Variants in KLHL18 observed in about 807,000 individuals in gnomAD.
KLHL18 encodes the protein kelch-like protein 18.
In KLHL18, 38 loss-of-function variants were observed where a neutral mutation model predicts 58.5. That is an observed-to-expected ratio of 0.65 (90% CI 0.50 to 0.85). The LOEUF is 0.85. KLHL18 is among the 40% of genes least tolerant of loss of function. The pLI, the probability that KLHL18 is intolerant of heterozygous loss-of-function variation, is 0.00. For synonymous variants in KLHL18, 303 were observed against 301.9 expected, an observed-to-expected ratio of 1.00 and a Z score of -0.04; for missense variants, 624 against 778.4, an observed-to-expected ratio of 0.80 and a Z score of 2.36.
intron 9 of KLHL18, 58 bp from the exon 10 acceptor site, chr3:47,343,497 C>G: frequency 6.2e-7 from 1 of 1,602,804 alleles, no homozygotes; most frequent in South Asian, 1.1e-5. Context: ...CACGGTCACT[C>G]CATGGACTGA....
chr3:47,291,805 T>A (rs295441), intron 1 of KLHL18, among the ~76,000 whole-genome samples: 76,166 of 151,954 alleles, frequency 0.5, 20,510 homozygotes, highest in Non-Finnish European at 0.6. Flanking sequence ...GTGAAAAAAA[T>A]TTTCCCAGCT....
chr3:47,328,274 G>C (rs1703771792), intron 3 of KLHL18, among the ~76,000 whole-genome samples: 1 of 151,310 alleles, frequency 6.6e-6, no homozygotes, highest in Non-Finnish European at 1.5e-5. Context: ...GTTGAGGTAG[G>C]AGGATCACTT....
chr3:47,301,646 G>C (rs1703028181), intron 1 of KLHL18, among the ~76,000 whole-genome samples: 2 of 152,198 alleles, frequency 1.3e-5, no homozygotes, highest in African/African-American at 4.8e-5. Context: ...CTTGAACAAT[G>C]TGGGGGTTGG....
Position 47,336,508 on chromosome 3 carries a change from T to C in KLHL18, c.899-27T>C, listed in dbSNP as rs773675358. 25 of 1,601,490 alleles carry C rather than the reference T, an allele frequency of 1.6e-5. No homozygotes were observed. In the Middle Eastern group the frequency reaches 5.0e-4, roughly 32 times the overall value. ...TCTAAACAAGTGGTCTCATTTGTTT[T>C]AATTTGAGTAGCAAATTTTTATGCA... On this transcript the variant is annotated intron_variant, in intron 6 of 9. Transcript: ENST00000232766.
intron 1 of KLHL18, among the ~76,000 whole-genome samples, chr3:47,302,637 G>A (rs968851283): frequency 1.3e-5 from 2 of 152,178 alleles, no homozygotes; most frequent in Non-Finnish European, 2.9e-5. Context: ...GCTGTCCCTG[G>A]TGGCAGAGGC....
chr3:47,327,698 A>G (rs1199051574), intron 3 of KLHL18, among the ~76,000 whole-genome samples: 4 of 152,214 alleles, frequency 2.6e-5, no homozygotes, highest in Non-Finnish European at 5.9e-5. Flanking sequence ...CTAAATTCAC[A>G]TCAGTTTCCA....
chr3:47,316,630 C>A (rs1483234648), intron 1 of KLHL18, among the ~76,000 whole-genome samples: 1 of 134,066 alleles, frequency 7.5e-6, no homozygotes, highest in African/African-American at 2.8e-5. Context: ...TACATATATA[C>A]GTATATATGT....
rs1704209675 is a variant in KLHL18, at chr3:47,345,505, C to T, written c.*1564C>T. On this transcript the variant is annotated 3_prime_UTR_variant, in exon 10 of 10. Transcript: ENST00000232766. ...TTGGAAAGATTTCATATTGCTTCCT[C>T]CTCCCTGGATAGGACCTAATGTAGC... 6.6e-6 allele frequency: 1 copy of T among 152,664 alleles called. No individual in the cohort carries two copies. Among genetic ancestry groups the T allele is most frequent in the African/African-American group, 2.4e-5 (1 of 41,460 alleles). The allele number at this position is 152,664 out of a possible 1,614,324, so 9.5% of individuals were successfully genotyped here.
chr3:47,295,599 T>A (rs1175253402), intron 1 of KLHL18, among the ~76,000 whole-genome samples: 1 of 152,120 alleles, frequency 6.6e-6, no homozygotes, highest in Non-Finnish European at 1.5e-5. Context: ...TTCTTCAGGG[T>A]CTTGCTCTTG....
At chr3:47,321,812 G>A (rs1703596484) in intron 2 of KLHL18, among the ~76,000 whole-genome samples, 1 of 152,158 alleles carries the variant, frequency 6.6e-6, no homozygotes, top group African/African-American at 2.4e-5. Context: ...TCATGGGGTG[G>A]CATTTGAGCT....
At chr3:47,341,189 T>C (rs1245341727) in intron 8 of KLHL18, among the ~76,000 whole-genome samples, 2 of 152,224 alleles carry the variant, frequency 1.3e-5, no homozygotes, top group Admixed American at 6.5e-5. Context: ...ACAGTCACCA[T>C]CTTGTGGGAC....
chr3:47,302,125 T>C (rs1013703153), intron 1 of KLHL18, among the ~76,000 whole-genome samples: 2 of 152,200 alleles, frequency 1.3e-5, no homozygotes, highest in African/African-American at 2.4e-5. Flanking sequence ...TTGTATGTTA[T>C]GTGTATTATG....
intron 3 of KLHL18, among the ~76,000 whole-genome samples, chr3:47,323,157 C>T (rs932692913): frequency 1.2e-4 from 18 of 151,562 alleles, no homozygotes; most frequent in Admixed American, 3.3e-4. Context: ...GGTATGATCT[C>T]GCCTCACTGC....
chr3:47,299,967 C>T (rs2107593286), intron 1 of KLHL18, among the ~76,000 whole-genome samples: 1 of 151,984 alleles, frequency 6.6e-6, no homozygotes, highest in African/African-American at 2.4e-5. Context: ...CTGCTAGCCA[C>T]ACTGTATATT....
At chr3:47,321,985 G>GCCT (rs1559497968) in intron 2 of KLHL18, among the ~76,000 whole-genome samples, 3 of 152,048 alleles carry the variant, frequency 2.0e-5, no homozygotes, top group Non-Finnish European at 4.4e-5. Flanking sequence ...GATGGAGAGG[G>GCCT]ACCAGAGCAC....
In KLHL18 at chr3:47,334,296, A is replaced by G. The variant is rs1320156991; in HGVS notation, c.762-387A>G. Among the ~76,000 whole-genome samples the G allele has an allele frequency of 6.6e-6, 1 of 152,022 alleles. No individual in the cohort carries two copies. Among genetic ancestry groups the G allele is most frequent in the Non-Finnish European group, 1.5e-5 (1 of 67,982 alleles). ...TGTGTCAGGAGCTGCCACCGTGGAG[A>G]TGAGTGGTGATTAATTGCAGGTTGC... On this transcript the variant is annotated intron_variant, in intron 5 of 9. Transcript: ENST00000232766. This position sits in a 1 kb window ranked among gnomAD's most constrained non-coding sequence, Gnocchi z 4.7.
intron 1 of KLHL18, among the ~76,000 whole-genome samples, chr3:47,293,813 TTGTTTCCTCTG>T (rs1434606869): frequency 6.6e-6 from 1 of 152,238 alleles, no homozygotes; most frequent in East Asian, 1.9e-4. Context: ...TGCCCATCTT[TTGTTTCCTCTG>T]TGTTAGGGGG....
Position 47,342,798 on chromosome 3 carries a change from G to C in KLHL18, c.1306G>C (p.Gly436Arg). 6.2e-7 allele frequency: 1 copy of C among 1,614,212 alleles called. No homozygotes were observed. Among genetic ancestry groups the C allele is most frequent in the Non-Finnish European group, 8.5e-7 (1 of 1,180,028 alleles). The change falls in exon 9 of 10, where the codon GGC (glycine) becomes CGC (arginine). Residue 436 changes from glycine (G) to arginine (R), a missense_variant. By Grantham distance (125) the Gly-to-Arg change is moderately radical. Coordinates refer to ENST00000232766, the MANE Select transcript of KLHL18 (RefSeq NM_025010.5). ...CTTTGAGGGCAGGATATATGTGTCA[G>C]GCGGCCATGATGGTTTGCAGATCTT... is the stretch of plus-strand genomic sequence containing the variant. ...TVFEGRIYVSGGHDGLQIFSS... is the reference protein window; with the variant it reads ...TVFEGRIYVSRGHDGLQIFSS...
intron 1 of KLHL18, chr3:47,297,457 CTGTT>C (rs879134178): frequency 1.4e-5 from 6 of 420,640 alleles, no homozygotes; most frequent in South Asian, 8.4e-5. Flanking sequence ...CTAGTGTGGT[CTGTT>C]TATTTCTTCA....
Sources: allele counts gnomAD v4.1 joint callset (sites outside exome capture counted in the v4.1 genomes callset), GRCh38; gene constraint gnomAD v4.1.1; non-coding constraint Gnocchi (gnomAD v3.1); transcripts MANE v1.5; gene names NCBI Gene and HGNC (gene_info 2026-07-23, HGNC 2026-07-21).